Variants in RERE observed in about 807,000 individuals in gnomAD.
The protein encoded by RERE is arginine-glutamic acid dipeptide repeats.
A neutral mutation model predicts 146.1 loss-of-function variants in RERE; 40 were observed. The observed-to-expected ratio is 0.27, with a 90% CI of 0.21 to 0.36. The LOEUF is 0.36. Among genes scored for constraint, RERE ranks in the 10% least tolerant of loss-of-function variants. The pLI is 1.00. For synonymous variants in RERE, 1,003 were observed against 866.0 expected (o/e 1.16, Z -2.78); for missense variants, 1,933 against 2,138.7 (o/e 0.90, Z 1.90).
intron 1 of RERE, among the ~76,000 whole-genome samples, chr1:8,744,526 A>G (rs910227110): frequency 1.3e-5 from 2 of 152,232 alleles, no homozygotes; most frequent in South Asian, 2.1e-4. Context: ...TGATGGGTAC[A>G]TTCTCAATCA....
intron 7 of RERE, among the ~76,000 whole-genome samples, chr1:8,538,536 T>C (rs940212337): frequency 9.9e-5 from 15 of 152,094 alleles, no homozygotes; most frequent in Non-Finnish European, 5.9e-5. Context: ...TTCAGAGATA[T>C]AAGGAAATGT....
chr1:8,378,484 T>C (rs1642338855), intron 12 of RERE, among the ~76,000 whole-genome samples: 1 of 152,220 alleles, frequency 6.6e-6, no homozygotes. Flanking sequence ...AGACAGGCTC[T>C]TCCAAGAGGT....
Position 8,597,730 on chromosome 1 carries a change from C to T in RERE, c.522+16831G>A, listed in dbSNP as rs189644666. 9.7e-4 allele frequency among the ~76,000 whole-genome samples: 148 copies of T among 151,946 alleles called. 2 individuals are homozygous for T. The highest frequency in any genetic ancestry group is 3.5e-3 in the African/African-American group (145 of 41,438). ...AACAAGATCTGATCTGGACAATAGT[C>T]AAGTCTCTAAAAGCAAGGGAGTTCA... On this transcript the variant is annotated intron_variant, in intron 4 of 22. Transcript: ENST00000400908.
intron 4 of RERE, among the ~76,000 whole-genome samples, chr1:8,572,468 C>T (rs962988478): frequency 2.6e-5 from 4 of 152,228 alleles, no homozygotes; most frequent in Admixed American, 1.3e-4. Flanking sequence ...ATCAAGTAAT[C>T]GGCTAGATAA....
chr1:8,711,157 CAAAAAAAAAAAAAAAAA>C lies in RERE; in HGVS notation c.-144-54733_-144-54717del, dbSNP rs57814312. On this transcript the variant is annotated intron_variant, in intron 1 of 22. Transcript: ENST00000400908. ...GGGTGACAGAGTGTGACTCTGTCTC[CAAAAAAAAAAAAAAAAA>C]AAAAAAAAAAAAAGGGAGTGATAAA... Among the ~76,000 whole-genome samples, 12 of 68,266 alleles carry C rather than the reference CAAAAAAAAAAAAAAAAA, an allele frequency of 1.8e-4. No individual in the cohort carries two copies. The South Asian group carries it at 3.3e-3, about 19-fold the overall frequency. The allele number at this position is 68,266 out of a possible 152,430, so 44.8% of individuals were successfully genotyped here.
At chr1:8,807,905 T>C (rs113999522) in intron 1 of RERE, among the ~76,000 whole-genome samples, 303 of 152,266 alleles carry the variant, frequency 2.0e-3, no homozygotes, top group African/African-American at 6.9e-3. Flanking sequence ...CAAATTTACA[T>C]TGGTATTTTG....
At chr1:8,372,456 C>T (rs997371789) in intron 12 of RERE, among the ~76,000 whole-genome samples, 1 of 150,756 alleles carries the variant, frequency 6.6e-6, no homozygotes, top group South Asian at 2.1e-4. Context: ...GGTCTGGAGA[C>T]TCCCACACAC....
chr1:8,482,419 T>C (rs1644846946), intron 10 of RERE, among the ~76,000 whole-genome samples: 1 of 152,092 alleles, frequency 6.6e-6, no homozygotes, highest in African/African-American at 2.4e-5. Context: ...TGGTGGTTCA[T>C]GCCTGTAATC....
intron 1 of RERE, among the ~76,000 whole-genome samples, chr1:8,744,361 A>G (rs1229419986): frequency 6.6e-6 from 1 of 152,360 alleles, no homozygotes; most frequent in East Asian, 1.9e-4. Context: ...CACACCACTT[A>G]TAACATTATG....
intron 4 of RERE, among the ~76,000 whole-genome samples, chr1:8,610,565 G>A (rs1384897220): frequency 6.6e-6 from 1 of 151,996 alleles, no homozygotes; most frequent in Non-Finnish European, 1.5e-5. Flanking sequence ...TCCAGACGTT[G>A]CTCTGGGCGA....
At chr1:8,555,884 A>G (rs996136760) in intron 6 of RERE, among the ~76,000 whole-genome samples, 2 of 152,120 alleles carry the variant, frequency 1.3e-5, no homozygotes, top group Admixed American at 1.3e-4. Flanking sequence ...CTTTCTACCC[A>G]TCTCCTCCCC....
At chr1:8,704,157 T>A (rs1208768828) in intron 1 of RERE, among the ~76,000 whole-genome samples, 1 of 152,224 alleles carries the variant, frequency 6.6e-6, no homozygotes. Flanking sequence ...TTACCAACTG[T>A]TAATTTCAAA....
At chr1:8,812,835 T>C (rs1254533013) in intron 1 of RERE, among the ~76,000 whole-genome samples, 2 of 152,136 alleles carry the variant, frequency 1.3e-5, no homozygotes, top group Non-Finnish European at 2.9e-5. Context: ...CTAGTAAATA[T>C]ATTTAGTATT....
In RERE at chr1:8,358,343, C is replaced by T. The variant is rs1443704504; in HGVS notation, c.4192G>A (p.Ala1398Thr). ...ATGCGCTCTGCGTGGATACGCTCGGCTGCCAGTCTGTCAGGGTAGCTCATC... is the reference window on the plus strand; with the variant it reads ...ATGCGCTCTGCGTGGATACGCTCGGTTGCCAGTCTGTCAGGGTAGCTCATC... ...PEMSYPDRLA[A>T]ERIHAERMAS... is the part of the protein sequence containing the mutation. The change falls in exon 20 of 23, where the codon GCC becomes ACC. Residue 1398 changes from alanine (A) to threonine (T), a missense_variant. By Grantham distance (58) the Ala-to-Thr change is moderately conservative. Transcript: ENST00000400908. The T allele has an allele frequency of 6.8e-6, 11 of 1,612,880 alleles. No homozygotes were observed. The highest frequency in any genetic ancestry group is 1.3e-5 in the African/African-American group (1 of 74,936).
At chr1:8,501,251 T>G (rs1172996265) in intron 8 of RERE, among the ~76,000 whole-genome samples, 2 of 102,044 alleles carry the variant, frequency 2.0e-5, no homozygotes, top group Non-Finnish European at 2.0e-5. Context: ...GTCCGGGAGG[T>G]GAGGGGCGCC....
chr1:8,632,672 A>G (rs921309753), intron 2 of RERE, among the ~76,000 whole-genome samples: 1 of 152,248 alleles, frequency 6.6e-6, no homozygotes, highest in Non-Finnish European at 1.5e-5. Flanking sequence ...ACTGTTCCAC[A>G]GTCCAAGCAT....
intron 12 of RERE, among the ~76,000 whole-genome samples, chr1:8,370,961 T>A (rs1294927461): frequency 6.6e-6 from 1 of 152,190 alleles, no homozygotes; most frequent in Non-Finnish European, 1.5e-5. Flanking sequence ...GTTGTCGACA[T>A]GAATGGCCTA....
chr1:8,764,803 A>G (rs1640818079), intron 1 of RERE, among the ~76,000 whole-genome samples: 1 of 152,212 alleles, frequency 6.6e-6, no homozygotes, highest in Admixed American at 6.5e-5. Flanking sequence ...GTAAGATACC[A>G]CTTCACACCC....
At chr1:8,630,565 T>C (rs1647023533) in intron 2 of RERE, among the ~76,000 whole-genome samples, 1 of 152,172 alleles carries the variant, frequency 6.6e-6, no homozygotes, top group Non-Finnish European at 1.5e-5. Context: ...GGGGTACTCA[T>C]ATTGACTGTA....
Sources: gnomAD v4.1 joint callset for allele counts (sites outside exome capture counted in the v4.1 genomes callset) on GRCh38, gnomAD v4.1.1 for gene constraint, MANE v1.5 for transcripts, NCBI Gene and HGNC (gene_info 2026-07-23, HGNC 2026-07-21) for gene names.